MAN1A2: variants seen among roughly 807,000 people sequenced by gnomAD.
MAN1A2 encodes mannosidase alpha class 1A member 2, also known as mannosyl-oligosaccharide 1,2-alpha-mannosidase IB.
MAN1A2 carries 26 observed loss-of-function variants against 75.7 expected under a neutral mutation model. The ratio of observed to expected loss-of-function variants is 0.34; its 90% confidence interval spans 0.25 to 0.48. MAN1A2 has a LOEUF of 0.48. Among genes scored for constraint, MAN1A2 ranks in the 20% least tolerant of loss-of-function variants. MAN1A2 has a pLI of 0.99. For missense variants in MAN1A2, 562 were observed against 775.5 expected (o/e 0.72, Z 3.27); for synonymous variants, 247 against 264.6 (o/e 0.93, Z 0.65).
intron 1 of MAN1A2, among the ~76,000 whole-genome samples, chr1:117,382,137 G>A (rs553813011): frequency 3.7e-4 from 56 of 152,288 alleles, no homozygotes; most frequent in East Asian, 1.7e-3. Flanking sequence ...TAGGTTGCTC[G>A]TTCACTCTGA....
intron 5 of MAN1A2, among the ~76,000 whole-genome samples, chr1:117,425,913 T>C (rs1648353795): frequency 6.6e-6 from 1 of 152,176 alleles, no homozygotes; most frequent in East Asian, 1.9e-4. Context: ...TGTTGGTCTT[T>C]TCTTTTTGCA....
chr1:117,471,602 GT>G (rs1291559510), intron 8 of MAN1A2, among the ~76,000 whole-genome samples: 1 of 151,696 alleles, frequency 6.6e-6, no homozygotes, highest in Non-Finnish European at 1.5e-5. Context: ...TTGCTTTAAT[GT>G]AATTTCAGAT....
At chr1:117,377,952 A>G (rs1033311153) in intron 1 of MAN1A2, among the ~76,000 whole-genome samples, 1 of 152,162 alleles carries the variant, frequency 6.6e-6, no homozygotes, top group South Asian at 2.1e-4. Context: ...TACAAAAAAA[A>G]TTAGCCAGGC....
At position 117,477,208 on chromosome 1, in the gene MAN1A2, G is replaced by A. The variant is rs191204747; in HGVS notation, c.1168+10781G>A. On this transcript the variant is annotated intron_variant, in intron 8 of 12. Coordinates refer to ENST00000356554, the MANE Select transcript of MAN1A2 (RefSeq NM_006699.5). ...AGCCAAATTCTACCAGAGGTACAAA[G>A]AGGAGCTTGTACCTACCATTCCTTC... is the stretch of plus-strand genomic sequence containing the variant. 5.9e-3 allele frequency among the ~76,000 whole-genome samples: 900 copies of A among 152,016 alleles called. 3 individuals carry two copies. Among genetic ancestry groups the A allele is most frequent in the Non-Finnish European group, 0.01 (704 of 67,958 alleles).
intron 6 of MAN1A2, among the ~76,000 whole-genome samples, chr1:117,454,307 A>C (rs1427759638): frequency 1.3e-5 from 2 of 152,186 alleles, no homozygotes; most frequent in African/African-American, 4.8e-5. Context: ...ATTTGATGGA[A>C]CCCAGCAGGA....
In MAN1A2 at chr1:117,523,179, T is replaced by C; in HGVS notation, c.*222T>C. On this transcript the variant is annotated 3_prime_UTR_variant, in exon 13 of 13. Coordinates refer to ENST00000356554, the MANE Select transcript of MAN1A2 (RefSeq NM_006699.5). Reference sequence around the variant, plus strand: ...TTCTGATATGTGTAGGACAGAGACCTGGATGTGCTTTGATCGTTAATGAGG... The same window carrying C: ...TTCTGATATGTGTAGGACAGAGACCCGGATGTGCTTTGATCGTTAATGAGG... 1 of 659,576 alleles carries C rather than the reference T, an allele frequency of 1.5e-6. No individual in the cohort carries two copies. The highest frequency in any genetic ancestry group is 2.9e-6 in the Non-Finnish European group (1 of 348,952). 40.9% of individuals were successfully genotyped at this position (659,576 alleles called of 1,614,324 possible).
intron 7 of MAN1A2, among the ~76,000 whole-genome samples, chr1:117,463,468 A>C (rs989685322): frequency 3.9e-5 from 6 of 151,946 alleles, no homozygotes; most frequent in African/African-American, 1.5e-4. Flanking sequence ...GTAGAAGTAC[A>C]CTAGTACTCC....
intron 5 of MAN1A2, among the ~76,000 whole-genome samples, chr1:117,429,092 C>T (rs1648486482): frequency 6.8e-6 from 1 of 147,888 alleles, no homozygotes; most frequent in African/African-American, 2.5e-5. Flanking sequence ...GGACACAGCA[C>T]ATGTTTCAGG....
At chr1:117,405,771 T>A (rs1301809982) in intron 3 of MAN1A2, 126 bp downstream of exon 3, 39 of 697,234 alleles carry the variant, frequency 5.6e-5, no homozygotes, top group African/African-American at 1.1e-4. Flanking sequence ...AAGAAACAGG[T>A]ATGATTTTTT....
intron 1 of MAN1A2, among the ~76,000 whole-genome samples, chr1:117,393,419 A>G (rs1653797439): frequency 6.6e-6 from 1 of 151,798 alleles, no homozygotes; most frequent in South Asian, 2.1e-4. Flanking sequence ...GTCATTTCCC[A>G]AAATCATTCT....
intron 6 of MAN1A2, among the ~76,000 whole-genome samples, chr1:117,455,775 G>A (rs937387299): frequency 6.6e-6 from 1 of 151,842 alleles, no homozygotes; most frequent in Non-Finnish European, 1.5e-5. Flanking sequence ...AAGAGGTAGA[G>A]GGCTTAGAGA....
At chr1:117,426,667 A>G (rs896588899) in intron 5 of MAN1A2, among the ~76,000 whole-genome samples, 9 of 152,194 alleles carry the variant, frequency 5.9e-5, no homozygotes, top group Non-Finnish European at 7.4e-5. Flanking sequence ...CTGAAAACGA[A>G]TAACAGAATG....
chr1:117,479,271 T>C (rs1481668481), intron 8 of MAN1A2, among the ~76,000 whole-genome samples: 1 of 151,996 alleles, frequency 6.6e-6, no homozygotes, highest in Non-Finnish European at 1.5e-5. Context: ...GCAAAGGACA[T>C]GATCTTGTTC....
At chr1:117,409,305 A>G (rs898615345) in intron 3 of MAN1A2, among the ~76,000 whole-genome samples, 1 of 152,062 alleles carries the variant, frequency 6.6e-6, no homozygotes, top group Admixed American at 6.6e-5. Flanking sequence ...AGGTTTTGAT[A>G]TATTTTCATT....
chr1:117,382,362 G>A (rs1179261862), intron 1 of MAN1A2, among the ~76,000 whole-genome samples: 2 of 152,160 alleles, frequency 1.3e-5, no homozygotes, highest in African/African-American at 4.8e-5. Flanking sequence ...TTTTGTATAA[G>A]GTGTAAGGAA....
At chr1:117,409,184 CTT>C (rs1647722938) in intron 3 of MAN1A2, among the ~76,000 whole-genome samples, 1 of 151,938 alleles carries the variant, frequency 6.6e-6, no homozygotes, top group Non-Finnish European at 1.5e-5. Context: ...TGATTTTGCT[CTT>C]GTTTTTCCAG....
intron 5 of MAN1A2, among the ~76,000 whole-genome samples, chr1:117,434,222 C>T (rs1438302335): frequency 1.3e-5 from 2 of 152,134 alleles, no homozygotes; most frequent in African/African-American, 4.8e-5. Flanking sequence ...AGCTATATCA[C>T]GATTTTCTGT....
chr1:117,466,774 A>G (rs568638602), intron 8 of MAN1A2, among the ~76,000 whole-genome samples: 198 of 152,228 alleles, frequency 1.3e-3, no homozygotes, highest in African/African-American at 4.5e-3. Flanking sequence ...AGGAGTATGA[A>G]AAACAAATGA....
chr1:117,368,479 G>A lies in MAN1A2; in HGVS notation c.296G>A (p.Arg99Lys). 1 of 1,603,614 alleles carries A rather than the reference G, an allele frequency of 6.2e-7. No individual in the cohort carries two copies. Among genetic ancestry groups the A allele is most frequent in the Non-Finnish European group, 8.5e-7 (1 of 1,176,218 alleles). Reference sequence around the variant, plus strand: ...CTGATCCATGGACCCGATGAACATAGACACAGGTTTGTTTATTTCAGAAGT... The same window carrying A: ...CTGATCCATGGACCCGATGAACATAAACACAGGTTTGTTTATTTCAGAAGT... ...VFLIHGPDEH[R>K]HREEEERLRN... Residue 99 changes from arginine to lysine, a missense_variant, in exon 1 of 13, where the codon AGA (arginine) becomes AAA (lysine). Arg to Lys is a conservative substitution (Grantham distance 26). Transcript: ENST00000356554.
Sources: allele counts gnomAD v4.1 joint callset (sites outside exome capture counted in the v4.1 genomes callset), GRCh38; gene constraint gnomAD v4.1.1; transcripts MANE v1.5; gene names NCBI Gene and HGNC (gene_info 2026-07-23, HGNC 2026-07-21).